Variants in USB1 observed in about 807,000 individuals in gnomAD.
USB1 encodes the protein U6 snRNA biogenesis phosphodiesterase 1.
A neutral mutation model predicts 29.9 loss-of-function variants in USB1; 21 were observed. The ratio of observed to expected loss-of-function variants is 0.70; its 90% CI spans 0.50 to 1.01. The LOEUF (loss-of-function observed/expected upper bound fraction) is 1.01. Ranked by LOEUF, USB1 falls within the 50% of genes least tolerant of loss-of-function variation. USB1 has a pLI of 0.00. For missense variants in USB1, 330 were observed against 347.1 expected, an observed-to-expected ratio of 0.95 and a Z score of 0.39; for synonymous variants, 143 against 134.9, an observed-to-expected ratio of 1.06 and a Z score of -0.42.
chr16:58,017,509 C>T, intron 5 of USB1, 70 bp downstream of exon 5: 2 of 1,450,312 alleles, frequency 1.4e-6, no homozygotes, highest in Non-Finnish European at 1.9e-6. Context: ...TTAAAGAAGC[C>T]CTCGTAAGAG....
chr16:58,019,174 A>C (rs1963685962), intron 6 of USB1, 119 bp downstream of exon 6: 1 of 1,004,834 alleles, frequency 1.0e-6, no homozygotes, highest in East Asian at 2.6e-5. Flanking sequence ...ATGACATGGC[A>C]GGAGACCCCA....
At position 58,020,479 on chromosome 16, in the gene USB1, CCT is replaced by C; in HGVS notation, c.*238_*239del. ...TCTCTTTCTCTCCTCTGTCTCTCTT[CCT>C]CTCCTCTCTTCCTCTCTTCTCTCTT... On this transcript the variant is annotated 3_prime_UTR_variant, in exon 7 of 7. Coordinates refer to ENST00000219281, the MANE Select transcript of USB1 (RefSeq NM_024598.4). The C allele has an allele frequency of 1.7e-6, 1 of 576,176 alleles. No homozygotes were observed. The allele number at this position is 576,176 out of a possible 1,614,324, so 35.7% of individuals were successfully genotyped here.
At chr16:58,020,017 C>G (rs1285665776) in intron 6 of USB1, 124 bp from the exon 7 acceptor site, 1 of 837,788 alleles carries the variant, frequency 1.2e-6, no homozygotes, top group East Asian at 2.6e-5. Flanking sequence ...CAATGCAGAG[C>G]CTGGAGCCTG....
Position 58,020,547 on chromosome 16 carries a change from G to A in USB1, c.*302G>A. On this transcript the variant is annotated 3_prime_UTR_variant, in exon 7 of 7. Coordinates refer to ENST00000219281, the MANE Select transcript of USB1 (RefSeq NM_024598.4). ...TTCCTCTTCTCTCTCTTCCCCTCCT[G>A]TCTCTCCTCCCCTCCTCTCTTCCTC... 3.4e-6 allele frequency: 1 copy of A among 297,168 alleles called. No homozygotes were observed. The highest frequency in any genetic ancestry group is 6.3e-5 in the East Asian group (1 of 15,982). 18.4% of individuals were successfully genotyped at this position (297,168 alleles called of 1,614,324 possible).
upstream of USB1, among the ~76,000 whole-genome samples, chr16:58,000,641 G>A (rs1963155470): frequency 6.7e-6 from 1 of 149,410 alleles, no homozygotes; most frequent in Admixed American, 6.6e-5. This position sits in a 1 kb window ranked among gnomAD's most constrained non-coding sequence, Gnocchi z 4.5. Context: ...GGGAGGGCGG[G>A]CGGACGGACC....
intron 3 of USB1, chr16:58,011,314 T>C: frequency 7.1e-7 from 1 of 1,414,584 alleles, no homozygotes; most frequent in Non-Finnish European, 9.2e-7. Flanking sequence ...AAGGAGATCA[T>C]GGGTGCCCTC....
At position 58,020,347 on chromosome 16, in the gene USB1, C is replaced by G. The variant is rs772110530; in HGVS notation, c.*102C>G. 1 of 1,082,234 alleles carries G rather than the reference C, an allele frequency of 9.2e-7. No homozygotes were observed. The highest frequency in any genetic ancestry group is 1.6e-5 in the African/African-American group (1 of 64,264). 67.0% of individuals were successfully genotyped at this position (1,082,234 alleles called of 1,614,324 possible). On this transcript the variant is annotated 3_prime_UTR_variant, in exon 7 of 7. Transcript: ENST00000219281. ...TGCTTCTAGCCTCCCAGTAGGAGGC[C>G]CCAGCCATGCCTTCAACCTGGCAGG... is the stretch of plus-strand genomic sequence containing the variant.
intron 3 of USB1, chr16:58,012,299 A>G (rs1384505652): frequency 6.5e-7 from 1 of 1,535,372 alleles, no homozygotes; most frequent in Non-Finnish European, 8.7e-7. Flanking sequence ...ATTGTATATT[A>G]TCAGGACTCT....
At chr16:58,016,244 C>G (rs1014415896) in intron 4 of USB1, 1 of 152,190 alleles carries the variant, frequency 6.6e-6, no homozygotes, top group Non-Finnish European at 1.5e-5. Context: ...TTATGTGAAG[C>G]AAGGGGAAGA....
At chr16:58,017,884 T>TAA (rs201105777) in intron 5 of USB1, among the ~76,000 whole-genome samples, 2,735 of 152,250 alleles carry the variant, frequency 0.018, 35 homozygotes, top group Non-Finnish European at 0.026. Flanking sequence ...TTTTATTTGA[T>TAA]ATATGTTTTT....
rs555309420 is a variant in USB1, at chr16:58,017,423, T to G, written c.593T>G (p.Leu198Arg). The change falls in exon 5 of 7, where the codon CTC (leucine) becomes CGC (arginine). Residue 198 changes from leucine (L) to arginine (R), a missense_variant. By Grantham distance (102) the Leu-to-Arg change is moderately radical (BLOSUM62 -2). Coordinates refer to ENST00000219281, the MANE Select transcript of USB1 (RefSeq NM_024598.4). ...EVDRVMEEFN[L>R]TTFYQDPSFH... ...GACAGAGTCATGGAGGAATTCAACCTCACCACTTTCTACCAGGTAATGAAT... is the reference window on the plus strand; with the variant it reads ...GACAGAGTCATGGAGGAATTCAACCGCACCACTTTCTACCAGGTAATGAAT... The G allele has an allele frequency of 6.2e-7, 1 of 1,614,132 alleles. No homozygotes were observed. Among genetic ancestry groups the G allele is most frequent in the African/African-American group, 1.3e-5 (1 of 75,066 alleles).
chr16:58,000,764 C>T (rs1183707282), upstream of USB1, among the ~76,000 whole-genome samples: 3 of 151,616 alleles, frequency 2.0e-5, no homozygotes, highest in East Asian at 1.9e-4. The surrounding 1 kb of genome is among the most constrained non-coding windows in gnomAD (Gnocchi z 4.5). Context: ...GAGCGGGCGG[C>T]GCGGAGCGAG....
chr16:58,017,070 G>A (rs1963632560), intron 4 of USB1: 1 of 480,072 alleles, frequency 2.1e-6, no homozygotes, highest in African/African-American at 2.0e-5. Flanking sequence ...TGGCAGTGGT[G>A]GGTGAAGGCG....
At chr16:58,014,744 C>G (rs1963575803) in intron 4 of USB1, among the ~76,000 whole-genome samples, 1 of 152,108 alleles carries the variant, frequency 6.6e-6, no homozygotes, top group Admixed American at 6.5e-5. Flanking sequence ...GATTGCACCA[C>G]TGCACTCCAG....
intron 2 of USB1, among the ~76,000 whole-genome samples, chr16:58,005,787 G>A (rs1442334182): frequency 6.6e-6 from 1 of 152,114 alleles, no homozygotes; most frequent in Non-Finnish European, 1.5e-5. Flanking sequence ...TCTTTCATCA[G>A]AGTTTTATAG....
At chr16:58,007,483 G>A in intron 2 of USB1, among the ~76,000 whole-genome samples, 1 of 152,054 alleles carries the variant, frequency 6.6e-6, no homozygotes, top group East Asian at 1.9e-4. Flanking sequence ...CCAGGTTCAA[G>A]CTATTCTCCT....
intron 4 of USB1, 148 bp downstream of exon 4, chr16:58,014,474 C>A: frequency 1.4e-6 from 1 of 722,488 alleles, no homozygotes; most frequent in Admixed American, 2.4e-5. Context: ...AAATCTGAAC[C>A]TTTCTTTAAG....
intron 2 of USB1, among the ~76,000 whole-genome samples, chr16:58,007,269 T>C (rs1002344485): frequency 3.3e-5 from 5 of 152,198 alleles, no homozygotes; most frequent in Non-Finnish European, 5.9e-5. Flanking sequence ...TTCTGAAAGA[T>C]TATAGATAAT....
At chr16:58,016,445 G>C (rs1323305461) in intron 4 of USB1, 1 of 152,652 alleles carries the variant, frequency 6.6e-6, no homozygotes, top group African/African-American at 2.4e-5. Context: ...GGGACCAGCT[G>C]GAGATAGAAA....
Sources: gnomAD v4.1 joint callset for allele counts (sites outside exome capture counted in the v4.1 genomes callset) on GRCh38, gnomAD v4.1.1 for gene constraint, Gnocchi (gnomAD v3.1) non-coding constraint, MANE v1.5 for transcripts, NCBI Gene and HGNC (gene_info 2026-07-23, HGNC 2026-07-21) for gene names.